The following ETFA variants were observed in gnomAD, a reference collection of about 807,000 sequenced individuals.
ETFA encodes the protein electron transfer flavoprotein subunit alpha, mitochondrial.
Under a neutral mutation model 46.2 loss-of-function variants are expected in ETFA, and 22 were observed. That is an observed-to-expected ratio of 0.48 (90% CI 0.34 to 0.68). ETFA has a LOEUF of 0.68. Ranked by LOEUF, ETFA falls within the 30% of genes least tolerant of loss-of-function variation. The pLI is 0.01. For synonymous variants in ETFA, 131 were observed against 139.9 expected (o/e 0.94, Z 0.45); for missense variants, 345 against 401.1 (o/e 0.86, Z 1.19).
intron 8 of ETFA, among the ~76,000 whole-genome samples, chr15:76,274,738 G>A (rs1254705214): frequency 6.6e-6 from 1 of 152,094 alleles, no homozygotes; most frequent in Non-Finnish European, 1.5e-5. Flanking sequence ...TGTTTAGAAT[G>A]TCATTATATA....
In ETFA at chr15:76,291,533, G is replaced by A. The variant is rs186885585; in HGVS notation, c.351+898C>T. Among the ~76,000 whole-genome samples the A allele has an allele frequency of 5.9e-3, 882 of 149,796 alleles. 9 individuals carry two copies. The highest frequency in any genetic ancestry group is 0.018 in the African/African-American group (726 of 40,692). The stretch of plus-strand genomic sequence containing the variant: ...TGGGGGGCCGAGGCGGGCGGATCAC[G>A]AGGTCAGGAGATCAAGACCATCCTG... On this transcript the variant is annotated intron_variant, in intron 4 of 11. Coordinates refer to ENST00000557943, the MANE Select transcript of ETFA (RefSeq NM_000126.4).
intron 11 of ETFA, among the ~76,000 whole-genome samples, chr15:76,223,376 C>T (rs1225750852): frequency 3.3e-5 from 5 of 151,950 alleles, no homozygotes; most frequent in Non-Finnish European, 7.4e-5. Flanking sequence ...CATCACCATG[C>T]TCGGCTAATG....
At chr15:76,262,757 A>G (rs1325544685) in intron 9 of ETFA, among the ~76,000 whole-genome samples, 1 of 152,154 alleles carries the variant, frequency 6.6e-6, no homozygotes, top group Non-Finnish European at 1.5e-5. Context: ...GCTGGGTTAC[A>G]GGCATGAGGC....
intron 9 of ETFA, among the ~76,000 whole-genome samples, chr15:76,270,690 T>C (rs769179316): frequency 6.6e-6 from 1 of 152,172 alleles, no homozygotes; most frequent in Non-Finnish European, 1.5e-5. Flanking sequence ...CTGGAACATC[T>C]TGTCTTGTCA....
chr15:76,261,358 C>T, intron 9 of ETFA: 1 of 1,276,048 alleles, frequency 7.8e-7, no homozygotes, highest in Non-Finnish European at 1.1e-6. Context: ...CACCTTGCAC[C>T]AGTACTGGCC....
chr15:76,278,460 C>A (rs1327571397), intron 8 of ETFA, among the ~76,000 whole-genome samples: 1 of 152,194 alleles, frequency 6.6e-6, no homozygotes. Flanking sequence ...CACACTCACT[C>A]AGAAAAACCT....
chr15:76,232,303 T>G (rs4886784), intron 9 of ETFA, among the ~76,000 whole-genome samples: 43,569 of 152,146 alleles, frequency 0.29, 6,665 homozygotes, highest in East Asian at 0.57. Flanking sequence ...TTAGAAGAGC[T>G]TACCTGCTTC....
rs1311356997 is a variant in ETFA at position 76,287,839 on chromosome 15, TACTCACCTGCATA to T, written c.445_451+6del. 1 of 1,546,682 alleles carries T rather than the reference TACTCACCTGCATA, an allele frequency of 6.5e-7. No homozygotes were observed. The highest frequency in any genetic ancestry group is 2.2e-5 in the East Asian group (1 of 44,550). On this transcript the variant is annotated splice_donor_variant and splice_donor_5th_base_variant and coding_sequence_variant and intron_variant, in exon 5 of 12. Coordinates refer to ENST00000557943, the MANE Select transcript of ETFA (RefSeq NM_000126.4). LOFTEE classifies it high-confidence loss of function. ...ATGTTGATTAATTATCTTCCTTGAG[TACTCACCTGCATA>T]AATAGTTCTCACAAATGTGTCAGGT...
intron 9 of ETFA, among the ~76,000 whole-genome samples, chr15:76,269,823 C>CTG (rs1210969196): frequency 5.9e-5 from 9 of 152,132 alleles, no homozygotes; most frequent in Middle Eastern, 3.2e-3. Flanking sequence ...AAGCCATGGA[C>CTG]TGTGAGAAAA....
At chr15:76,261,040 C>T in intron 9 of ETFA, 1 of 1,593,732 alleles carries the variant, frequency 6.3e-7, no homozygotes, top group Non-Finnish European at 8.6e-7. Context: ...GCAGGCAGTG[C>T]TTGAAGGAGA....
intron 9 of ETFA, among the ~76,000 whole-genome samples, chr15:76,236,458 A>C (rs968543508): frequency 6.6e-6 from 1 of 152,254 alleles, no homozygotes; most frequent in Non-Finnish European, 1.5e-5. Context: ...CAAAATAATC[A>C]TAGAACAAAC....
intron 1 of ETFA, among the ~76,000 whole-genome samples, chr15:76,298,045 ATT>A (rs776554589): frequency 2.9e-5 from 4 of 138,724 alleles, no homozygotes; most frequent in African/African-American, 7.7e-5. Context: ...CAGATTAGAG[ATT>A]TTTTTTTTTT....
chr15:76,285,560 TA>T, intron 7 of ETFA, 76 bp downstream of exon 7: 1 of 858,218 alleles, frequency 1.2e-6, no homozygotes, highest in Non-Finnish European at 2.0e-6. Flanking sequence ...TGTGTACTTC[TA>T]AAATAAATAC....
intron 9 of ETFA, among the ~76,000 whole-genome samples, chr15:76,250,241 T>C (rs975138982): frequency 2.6e-5 from 4 of 151,824 alleles, no homozygotes; most frequent in Middle Eastern, 3.2e-3. Context: ...ATAAAGAACA[T>C]ATATAGGACA....
intron 1 of ETFA, among the ~76,000 whole-genome samples, chr15:76,306,676 T>C (rs2039943540): frequency 6.6e-6 from 1 of 152,230 alleles, no homozygotes; most frequent in Non-Finnish European, 1.5e-5. Context: ...TATTTTAACA[T>C]ACATTTTGTA....
chr15:76,236,784 AACT>A (rs1435904239), intron 9 of ETFA, among the ~76,000 whole-genome samples: 1 of 152,196 alleles, frequency 6.6e-6, no homozygotes, highest in Non-Finnish European at 1.5e-5. Flanking sequence ...AGCAGATGAA[AACT>A]ACTGGTTTAA....
In ETFA at chr15:76,249,510, C is replaced by T. The variant is rs1484518423; in HGVS notation, c.817-18112G>A. ...AGGCTGGAGTGCAGTGGCGCGATCT[C>T]GGCTCACTGCAAGCTCCGCCTCCCG... On this transcript the variant is annotated intron_variant, in intron 9 of 11. Transcript: ENST00000557943. 5.5e-5 allele frequency among the ~76,000 whole-genome samples: 8 copies of T among 145,616 alleles called. No homozygotes were observed. In the East Asian group the frequency reaches 1.4e-3, roughly 26 times the overall value.
intron 4 of ETFA, among the ~76,000 whole-genome samples, chr15:76,290,838 G>A (rs1237609182): frequency 6.6e-6 from 1 of 152,156 alleles, no homozygotes; most frequent in Non-Finnish European, 1.5e-5. Context: ...GCAGGACTTT[G>A]ACACCTTGCT....
chr15:76,242,039 G>A (rs2039197597), intron 9 of ETFA, among the ~76,000 whole-genome samples: 1 of 151,922 alleles, frequency 6.6e-6, no homozygotes, highest in Middle Eastern at 3.2e-3. Context: ...GTTTCACCAT[G>A]TTGGTGAGGA....
Sources: allele counts gnomAD v4.1 joint callset (sites outside exome capture counted in the v4.1 genomes callset), GRCh38; gene constraint gnomAD v4.1.1; transcripts MANE v1.5; gene names NCBI Gene and HGNC (gene_info 2026-07-23, HGNC 2026-07-21).